FAM135B: variants seen among roughly 807,000 people sequenced by gnomAD.
The protein encoded by FAM135B is family with sequence similarity 135 member B.
A neutral mutation model predicts 127.7 loss-of-function variants in FAM135B; 43 were observed. The observed-to-expected ratio is 0.34, with a 90% CI of 0.26 to 0.43. The LOEUF (loss-of-function observed/expected upper bound fraction) is 0.43, where lower values mean the gene tolerates loss of function less well. Ranked by LOEUF, FAM135B falls within the 20% of genes least tolerant of loss-of-function variation. The pLI, the probability that FAM135B is intolerant of heterozygous loss-of-function variation, is 1.00. For missense variants in FAM135B, 1,558 were observed against 1,725.6 expected, an observed-to-expected ratio of 0.90 and a Z score of 1.72; for synonymous variants, 670 against 665.1, an observed-to-expected ratio of 1.01 and a Z score of -0.11.
chr8:138,489,245 C>T (rs963378322), intron 1 of FAM135B, among the ~76,000 whole-genome samples: 1 of 152,168 alleles, frequency 6.6e-6, no homozygotes, highest in Non-Finnish European at 1.5e-5. Context: ...TGTTCTTTCC[C>T]CTGTGTCCCC....
chr8:138,365,001 CACTCTCA>C (rs1563938511), intron 2 of FAM135B, among the ~76,000 whole-genome samples: 2 of 152,062 alleles, frequency 1.3e-5, no homozygotes, highest in Admixed American at 1.3e-4. Flanking sequence ...TGCCCGCCAC[CACTCTCA>C]GGTGATTTTT....
At position 138,411,379 on chromosome 8, in the gene FAM135B, A is replaced by G. The variant is rs565036369; in HGVS notation, c.-19-43377T>C. On this transcript the variant is annotated intron_variant, in intron 1 of 19. Coordinates refer to ENST00000395297, the MANE Select transcript of FAM135B (RefSeq NM_015912.4). ...ATGACAAACCTGAGAAAAACAAGCA[A>G]CGGGGAAAGGATTCCCTATTTAATA... 4.6e-5 allele frequency among the ~76,000 whole-genome samples: 7 copies of G among 152,256 alleles called. No individual in the cohort carries two copies. The South Asian group carries it at 6.2e-4, about 14-fold the overall frequency.
At chr8:138,225,627 T>G (rs1415683991) in intron 7 of FAM135B, among the ~76,000 whole-genome samples, 1 of 151,942 alleles carries the variant, frequency 6.6e-6, no homozygotes, top group East Asian at 1.9e-4. Context: ...GTCAGACACA[T>G]AGATTAAGGT....
intron 7 of FAM135B, among the ~76,000 whole-genome samples, chr8:138,235,124 T>A (rs1820171464): frequency 6.6e-6 from 1 of 152,182 alleles, no homozygotes; most frequent in South Asian, 2.1e-4. Flanking sequence ...GCCTATTATG[T>A]CTGATGGCTA....
chr8:138,280,317 C>T (rs549161170), intron 3 of FAM135B, among the ~76,000 whole-genome samples: 3 of 152,234 alleles, frequency 2.0e-5, no homozygotes, highest in South Asian at 4.1e-4. Context: ...CCTAGGCCTG[C>T]ATCCTCAGAA....
intron 2 of FAM135B, among the ~76,000 whole-genome samples, chr8:138,336,322 G>GT (rs1258305890): frequency 6.6e-6 from 1 of 152,088 alleles, no homozygotes; most frequent in East Asian, 1.9e-4. Context: ...CCAGGAGCTG[G>GT]TTTTTTGAAA....
chr8:138,308,949 C>T (rs1309967368), intron 3 of FAM135B: 1 of 444,138 alleles, frequency 2.3e-6, no homozygotes, highest in East Asian at 7.0e-5. Context: ...TTCCTCAAAC[C>T]CCTGATGACA....
At chr8:138,157,145 T>C (rs546921478) in intron 12 of FAM135B, among the ~76,000 whole-genome samples, 3 of 152,136 alleles carry the variant, frequency 2.0e-5, no homozygotes, top group African/African-American at 7.2e-5. Context: ...GTTCAACATA[T>C]GCAAATCAAT....
chr8:138,190,519 T>C (rs1299257601), intron 9 of FAM135B, among the ~76,000 whole-genome samples: 3 of 152,334 alleles, frequency 2.0e-5, no homozygotes, highest in East Asian at 1.9e-4. Flanking sequence ...CCCTAAGATA[T>C]AGTTATTTAA....
intron 2 of FAM135B, among the ~76,000 whole-genome samples, chr8:138,356,395 C>T (rs1830092928): frequency 6.6e-6 from 1 of 152,024 alleles, no homozygotes; most frequent in Non-Finnish European, 1.5e-5. Context: ...AAAACCAGGG[C>T]AGATATTGAA....
chr8:138,205,359 G>T (rs561644972), intron 7 of FAM135B, among the ~76,000 whole-genome samples: 49 of 152,286 alleles, frequency 3.2e-4, no homozygotes, highest in Admixed American at 2.6e-3. Context: ...TCTCGATGCT[G>T]AACTTCCTCT....
intron 10 of FAM135B, 54 bp from the exon 11 acceptor site, chr8:138,177,474 ACTTT>A: frequency 6.8e-7 from 1 of 1,467,066 alleles, no homozygotes; most frequent in Middle Eastern, 2.0e-4. Flanking sequence ...TATTACCTGC[ACTTT>A]CTTTTTTTTT....
chr8:138,386,493 G>A (rs1350797287), intron 1 of FAM135B, among the ~76,000 whole-genome samples: 2 of 152,080 alleles, frequency 1.3e-5, no homozygotes. Context: ...CTAGAGTCTT[G>A]GAGGGCTGGA....
At chr8:138,276,080 C>T (rs1823800534) in intron 3 of FAM135B, among the ~76,000 whole-genome samples, 1 of 152,158 alleles carries the variant, frequency 6.6e-6, no homozygotes. Flanking sequence ...AAGGCCAGCA[C>T]AAAGGATGCC....
intron 9 of FAM135B, among the ~76,000 whole-genome samples, chr8:138,182,638 C>G (rs1329098725): frequency 2.0e-5 from 3 of 152,182 alleles, no homozygotes; most frequent in Non-Finnish European, 4.4e-5. Flanking sequence ...TACTTGTAAA[C>G]TACTGTGCAA....
intron 1 of FAM135B, among the ~76,000 whole-genome samples, chr8:138,396,950 T>C (rs1832887183): frequency 6.6e-6 from 1 of 151,802 alleles, no homozygotes; most frequent in African/African-American, 2.4e-5. Context: ...AACTAGAGAG[T>C]CTAAGGAAGC....
rs193010496 is a variant in FAM135B, at chr8:138,406,291, T to C, written c.-19-38289A>G. ...AATAGCTTACCAACCAAAAAGAGTC[T>C]AGGAGCAGATGGATTCACAGCTGAA... On this transcript the variant is annotated intron_variant, in intron 1 of 19. Coordinates refer to ENST00000395297, the MANE Select transcript of FAM135B (RefSeq NM_015912.4). Among the ~76,000 whole-genome samples the C allele has an allele frequency of 3.6e-3, 551 of 152,204 alleles. 4 individuals carry two copies. Among genetic ancestry groups the C allele is most frequent in the African/African-American group, 0.011 (464 of 41,540 alleles).
chr8:138,351,367 G>A (rs999043741), intron 2 of FAM135B, among the ~76,000 whole-genome samples: 1 of 152,188 alleles, frequency 6.6e-6, no homozygotes, highest in African/African-American at 2.4e-5. Context: ...AGGCTGATGT[G>A]CAGAGGGAAG....
intron 1 of FAM135B, among the ~76,000 whole-genome samples, chr8:138,435,808 C>G (rs998332933): frequency 6.6e-6 from 1 of 152,098 alleles, no homozygotes; most frequent in Non-Finnish European, 1.5e-5. Context: ...TCCTATCACC[C>G]CTTTGTTTAA....
Sources: allele counts gnomAD v4.1 joint callset (sites outside exome capture counted in the v4.1 genomes callset), GRCh38; gene constraint gnomAD v4.1.1; transcripts MANE v1.5; gene names NCBI Gene and HGNC (gene_info 2026-07-23, HGNC 2026-07-21).